EPB41L5: variants seen among roughly 807,000 people sequenced by gnomAD.
EPB41L5 encodes band 4.1-like protein 5.
A neutral mutation model predicts 106.6 loss-of-function variants in EPB41L5; 55 were observed. The ratio of observed to expected loss-of-function variants is 0.52; its 90% CI spans 0.42 to 0.65. The LOEUF (loss-of-function observed/expected upper bound fraction) is 0.65, where lower values mean the gene tolerates loss of function less well. EPB41L5 is among the 30% of genes least tolerant of loss of function. The pLI is 0.00. For missense variants in EPB41L5, 871 were observed against 882.1 expected (o/e 0.99, Z 0.16); for synonymous variants, 297 against 306.7 (o/e 0.97, Z 0.33).
chr2:120,061,677 A>AT (rs1247691485), intron 3 of EPB41L5, among the ~76,000 whole-genome samples: 2 of 152,172 alleles, frequency 1.3e-5, no homozygotes, highest in African/African-American at 4.8e-5. Flanking sequence ...TTAAAGAAAA[A>AT]TAAGTTAGTT....
At chr2:120,169,188 A>C (rs941117395) in intron 24 of EPB41L5, among the ~76,000 whole-genome samples, 2 of 152,232 alleles carry the variant, frequency 1.3e-5, no homozygotes, top group African/African-American at 2.4e-5. Context: ...ACTCATATGT[A>C]ATACAGTTTT....
intron 3 of EPB41L5, among the ~76,000 whole-genome samples, chr2:120,059,224 G>T (rs1189889276): frequency 6.6e-6 from 1 of 152,178 alleles, no homozygotes; most frequent in Non-Finnish European, 1.5e-5. Context: ...ATTAGAACCT[G>T]TGGAAGAAGG....
chr2:120,138,797 A>G (rs574322305), intron 18 of EPB41L5, among the ~76,000 whole-genome samples: 5 of 152,076 alleles, frequency 3.3e-5, no homozygotes, highest in Non-Finnish European at 7.4e-5. Context: ...CTATCAAAAT[A>G]CCAATGATAT....
chr2:120,023,739 G>A (rs578022791), intron 2 of EPB41L5, among the ~76,000 whole-genome samples: 1 of 152,290 alleles, frequency 6.6e-6, no homozygotes, highest in South Asian at 2.1e-4. Flanking sequence ...GTAGCTTGAT[G>A]GGGATAGCAT....
intron 3 of EPB41L5, among the ~76,000 whole-genome samples, chr2:120,066,200 T>C (rs979805629): frequency 6.6e-6 from 1 of 152,162 alleles, no homozygotes; most frequent in African/African-American, 2.4e-5. Flanking sequence ...TCCATGATTA[T>C]TGCCTTAAGT....
At position 120,019,210 on chromosome 2, in the gene EPB41L5, C is replaced by T. The variant is rs367826894; in HGVS notation, c.126C>T (p.Ile42=). ...CTGCAGCTGGAGATTCTAAGTCCAT[C>T]ATCACGTGTCGGGTGTCCCTTCTGG... is the stretch of plus-strand genomic sequence containing the variant. ...HIPAAGDSKS[I]ITCRVSLLDG... Residue 42 remains isoleucine, a synonymous_variant, in exon 2 of 25, where the codon ATC becomes ATT. Transcript: ENST00000263713. 3.1e-6 allele frequency: 5 copies of T among 1,613,918 alleles called. No homozygotes were observed. The highest frequency in any genetic ancestry group is 1.3e-5 in the African/African-American group (1 of 74,874).
At chr2:120,037,260 A>G (rs1679095737) in intron 2 of EPB41L5, among the ~76,000 whole-genome samples, 1 of 152,222 alleles carries the variant, frequency 6.6e-6, no homozygotes, top group South Asian at 2.1e-4. Flanking sequence ...GAATGAAAGA[A>G]CATGTAAATA....
chr2:120,073,564 G>A (rs1366859508), intron 4 of EPB41L5, among the ~76,000 whole-genome samples: 1 of 152,186 alleles, frequency 6.6e-6, no homozygotes, highest in African/African-American at 2.4e-5. Context: ...TTGAGACTTT[G>A]TGATATTTTA....
chr2:120,096,633 T>C (rs1292377935), intron 14 of EPB41L5, among the ~76,000 whole-genome samples: 1 of 151,942 alleles, frequency 6.6e-6, no homozygotes, highest in East Asian at 1.9e-4. Context: ...CTACTAAAAA[T>C]ACAAAAATCA....
chr2:120,136,453 C>A (rs1685927951), intron 18 of EPB41L5, among the ~76,000 whole-genome samples: 1 of 149,728 alleles, frequency 6.7e-6, no homozygotes, highest in Non-Finnish European at 1.5e-5. Flanking sequence ...AATCAAAACA[C>A]AGAGTGGCTA....
At chr2:120,146,914 T>C (rs542792988) in intron 20 of EPB41L5, among the ~76,000 whole-genome samples, 1 of 152,218 alleles carries the variant, frequency 6.6e-6, no homozygotes, top group African/African-American at 2.4e-5. Flanking sequence ...ATTAATCATA[T>C]TCAGTTCCAG....
intron 3 of EPB41L5, among the ~76,000 whole-genome samples, chr2:120,053,367 C>T (rs969894796): frequency 9.2e-5 from 14 of 152,230 alleles, no homozygotes; most frequent in African/African-American, 2.2e-4. Flanking sequence ...ATTTACATAC[C>T]ATAAAGTTCA....
At chr2:120,080,378 A>G (rs917353178) in intron 10 of EPB41L5, among the ~76,000 whole-genome samples, 1 of 152,004 alleles carries the variant, frequency 6.6e-6, no homozygotes, top group Non-Finnish European at 1.5e-5. Context: ...TGTCCTTGCA[A>G]TAGTTTGCTG....
intron 12 of EPB41L5, among the ~76,000 whole-genome samples, chr2:120,090,748 G>A (rs1221281605): frequency 6.6e-6 from 1 of 152,140 alleles, no homozygotes; most frequent in Non-Finnish European, 1.5e-5. Context: ...CCCTCTGGAT[G>A]TTTACTTTAT....
At chr2:120,057,258 G>A (rs922909996) in intron 3 of EPB41L5, among the ~76,000 whole-genome samples, 3 of 152,102 alleles carry the variant, frequency 2.0e-5, no homozygotes, top group African/African-American at 7.2e-5. Context: ...GGGATAGTAG[G>A]CATAAGCTGC....
At chr2:120,014,185 C>T (rs935048867) in intron 1 of EPB41L5, among the ~76,000 whole-genome samples, 17 of 152,124 alleles carry the variant, frequency 1.1e-4, no homozygotes, top group Non-Finnish European at 2.2e-4. Context: ...ATATTGTGGC[C>T]ACCAGTCATG....
intron 2 of EPB41L5, among the ~76,000 whole-genome samples, chr2:120,022,350 C>T (rs1032804488): frequency 6.6e-6 from 1 of 151,480 alleles, no homozygotes; most frequent in Non-Finnish European, 1.5e-5. Flanking sequence ...CACCCCCCGA[C>T]AGGCCCTGGT....
intron 20 of EPB41L5, among the ~76,000 whole-genome samples, chr2:120,157,787 A>AT (rs1294596299): frequency 4.6e-5 from 7 of 150,632 alleles, no homozygotes; most frequent in Admixed American, 4.0e-4. Context: ...AAAAAAAAAA[A>AT]TCCAAAAAAA....
chr2:120,049,005 G>T (rs1181689794), intron 3 of EPB41L5, among the ~76,000 whole-genome samples: 1 of 152,192 alleles, frequency 6.6e-6, no homozygotes, highest in African/African-American at 2.4e-5. Flanking sequence ...GTTCTAGTTT[G>T]ATTGCACTGT....
Sources: allele counts gnomAD v4.1 joint callset (sites outside exome capture counted in the v4.1 genomes callset), GRCh38; gene constraint gnomAD v4.1.1; transcripts MANE v1.5; gene names NCBI Gene and HGNC (gene_info 2026-07-23, HGNC 2026-07-21).